The following RNASE1 variants were observed in gnomAD, a reference collection of about 807,000 sequenced individuals.
RNASE1 encodes ribonuclease pancreatic.
For missense variants in RNASE1, 203 were observed against 201.0 expected (o/e 1.01, Z -0.06); for synonymous variants, 64 against 78.6 (o/e 0.81, Z 0.98).
rs1234171228 is a variant in RNASE1 at position 20,801,817 on chromosome 14, A to G, written c.252T>C (p.Asn84=). Residue 84 remains asparagine (N), a synonymous_variant, in exon 2 of 2, where the codon AAT becomes AAC. Transcript: ENST00000397967. ...AGGTGACCTTTTCCTGGAAACAGAC[A>G]TTCTGGACATCTACCAGGGGCTCGT... ...FVHEPLVDVQ[N]VCFQEKVTCK... 6.2e-7 allele frequency: 1 copy of G among 1,614,060 alleles called. No individual in the cohort carries two copies. The highest frequency in any genetic ancestry group is 8.5e-7 in the Non-Finnish European group (1 of 1,180,036).
At position 20,801,643 on chromosome 14, in the gene RNASE1, T is replaced by C. The variant is rs143436195; in HGVS notation, c.426A>G (p.Pro142=). 3.7e-4 allele frequency: 597 copies of C among 1,614,132 alleles called. 4 individuals are homozygous for C. The African/African-American group carries it at 7.3e-3, about 20-fold the overall frequency. Residue 142 remains proline, a synonymous_variant, in exon 2 of 2, where the codon CCA becomes CCG. Transcript: ENST00000397967. ...RHIIVACEGS[P]YVPVHFDASV... is the part of the protein sequence containing the mutation. ...AAGCATCAAAGTGGACTGGCACATA[T>C]GGGCTCCCTTCACAGGCCACAATGA...
chr14:20,801,863 T>C lies in RNASE1; in HGVS notation c.206A>G (p.Lys69Arg). The change falls in exon 2 of 2, where the codon AAA (lysine) becomes AGA (arginine). Residue 69 changes from lysine to arginine, a missense_variant. Lys to Arg is a conservative substitution (Grantham distance 26). Coordinates refer to ENST00000397967, the MANE Select transcript of RNASE1 (RefSeq NM_002933.5). ...RRRNMTQGRC[K>R]PVNTFVHEPL... The stretch of plus-strand genomic sequence containing the variant: ...CTCGTGCACAAAGGTGTTCACTGGT[T>C]TGCACCGCCCCTGTGTCATATTCCG... The C allele has an allele frequency of 6.2e-7, 1 of 1,614,150 alleles. No individual in the cohort carries two copies. The highest frequency in any genetic ancestry group is 8.5e-7 in the Non-Finnish European group (1 of 1,180,016).
In RNASE1 at chr14:20,802,054, C is replaced by A; in HGVS notation, c.15G>T (p.Lys5Asn). Residue 5 changes from lysine to asparagine, a missense_variant, in exon 2 of 2, where the codon AAG (lysine) becomes AAT (asparagine). By Grantham distance (94) the Lys-to-Asn change is moderately conservative. Coordinates refer to ENST00000397967, the MANE Select transcript of RNASE1 (RefSeq NM_002933.5). MALEKSLVRLLLLVL... is the reference protein window; with the variant it reads MALENSLVRLLLLVL... ...CAAGCAGAAGGAGCCGGACAAGAGA[C>A]TTCTCCAGAGCCATGGTGGCCTCAC... is the stretch of plus-strand genomic sequence containing the variant. 2 of 1,600,010 alleles carry A rather than the reference C, an allele frequency of 1.2e-6. No homozygotes were observed. The highest frequency in any genetic ancestry group is 8.5e-7 in the Non-Finnish European group (1 of 1,178,578).
chr14:20,801,726 T>G lies in RNASE1; in HGVS notation c.343A>C (p.Thr115Pro). The change falls in exon 2 of 2, where the codon ACA becomes CCA. Residue 115 changes from threonine to proline, a missense_variant. Transcript: ENST00000397967. ...CAGTTGGGGTACCTGGAGCCGTTTG[T>G]CAGGCGGCAGTCTGTGATGTGCATG... ...SSMHITDCRL[T>P]NGSRYPNCAY... The G allele has an allele frequency of 1.9e-6, 3 of 1,614,214 alleles. No individual in the cohort carries two copies. Among genetic ancestry groups the G allele is most frequent in the Non-Finnish European group, 2.5e-6 (3 of 1,180,034 alleles).
rs143351335 is a variant in RNASE1 at position 20,801,769 on chromosome 14, G to A, written c.300C>T (p.Cys100=). The change falls in exon 2 of 2, where the codon TGC becomes TGT. Residue 100 remains cysteine (C), a synonymous_variant. Coordinates refer to ENST00000397967, the MANE Select transcript of RNASE1 (RefSeq NM_002933.5). The stretch of plus-strand genomic sequence containing the variant: ...TGTGCATGCTGGAGTTGCTCTTGTA[G>A]CAGTTGCCCTGCCCGTTCTTGCAGG... ...KVTCKNGQGN[C]YKSNSSMHIT... is the part of the protein sequence containing the mutation. 7.2e-5 allele frequency: 117 copies of A among 1,614,092 alleles called. No individual in the cohort carries two copies. The highest frequency in any genetic ancestry group is 4.9e-4 in the Middle Eastern group (3 of 6,082).
In RNASE1 at chr14:20,801,713, C is replaced by A; in HGVS notation, c.356G>T (p.Arg119Met). ...ITDCRLTNGSRYPNCAYRTSP... is the reference protein window; with the variant it reads ...ITDCRLTNGSMYPNCAYRTSP... ...GGTCCGGTATGCACAGTTGGGGTACCTGGAGCCGTTTGTCAGGCGGCAGTC... is the reference window on the plus strand; with the variant it reads ...GGTCCGGTATGCACAGTTGGGGTACATGGAGCCGTTTGTCAGGCGGCAGTC... The change falls in exon 2 of 2, where the codon AGG (arginine) becomes ATG (methionine). Residue 119 changes from arginine to methionine, a missense_variant. By Grantham distance (91) the Arg-to-Met change is moderately conservative. Transcript: ENST00000397967. 1 of 1,614,172 alleles carries A rather than the reference C, an allele frequency of 6.2e-7. No homozygotes were observed. Among genetic ancestry groups the A allele is most frequent in the East Asian group, 2.2e-5 (1 of 44,882 alleles).
Position 20,802,080 on chromosome 14 carries a change from T to G in RNASE1, c.-12A>C. On this transcript the variant is annotated 5_prime_UTR_variant, in exon 2 of 2. Coordinates refer to ENST00000397967, the MANE Select transcript of RNASE1 (RefSeq NM_002933.5). ...TTCTCCAGAGCCATGGTGGCCTCACTTTCCCAGAAAAGCCTAATTGAGAAA... is the reference window on the plus strand; with the variant it reads ...TTCTCCAGAGCCATGGTGGCCTCACGTTCCCAGAAAAGCCTAATTGAGAAA... The G allele has an allele frequency of 1.3e-6, 2 of 1,565,456 alleles. No individual in the cohort carries two copies. Among genetic ancestry groups the G allele is most frequent in the East Asian group, 4.5e-5 (2 of 44,292 alleles).
At position 20,802,126 on chromosome 14, in the gene RNASE1, C is replaced by T; in HGVS notation, c.-25-33G>A. ...AGAAAAGGAGAGAGAAGGAAAAGAG[C>T]CCTCTTAGAAAAAGAACTCCAGCTC... On this transcript the variant is annotated intron_variant, in intron 1 of 1. Coordinates refer to ENST00000397967, the MANE Select transcript of RNASE1 (RefSeq NM_002933.5). 1.6e-5 allele frequency: 21 copies of T among 1,348,556 alleles called. No individual in the cohort carries two copies. In the South Asian group the frequency reaches 2.9e-4, roughly 19 times the overall value. The allele number at this position is 1,348,556 out of a possible 1,614,324, so 83.5% of individuals were successfully genotyped here.
At chr14:20,802,146 C>T in intron 1 of RNASE1, 53 bp from the exon 2 acceptor site, 1 of 1,097,272 alleles carries the variant, frequency 9.1e-7, no homozygotes, top group Non-Finnish European at 1.3e-6. Context: ...AAAAGAACTC[C>T]AGCTCCCACC....
chr14:20,801,721 G>A lies in RNASE1; in HGVS notation c.348C>T (p.Asn116=), dbSNP rs1437044410. ...ATGCACAGTTGGGGTACCTGGAGCCGTTTGTCAGGCGGCAGTCTGTGATGT... is the reference window on the plus strand; with the variant it reads ...ATGCACAGTTGGGGTACCTGGAGCCATTTGTCAGGCGGCAGTCTGTGATGT... ...SMHITDCRLT[N]GSRYPNCAYR... The change falls in exon 2 of 2, where the codon AAC becomes AAT. Residue 116 remains asparagine (N), a synonymous_variant. Transcript: ENST00000397967. 14 of 1,614,186 alleles carry A rather than the reference G, an allele frequency of 8.7e-6. No homozygotes were observed. The highest frequency in any genetic ancestry group is 3.3e-5 in the Admixed American group (2 of 60,022).
rs759954169 is a variant in RNASE1 at position 20,801,601 on chromosome 14, G to A, written c.468C>T (p.Thr156=). The A allele has an allele frequency of 1.2e-6, 2 of 1,611,356 alleles. No individual in the cohort carries two copies. Among genetic ancestry groups the A allele is most frequent in the Non-Finnish European group, 1.7e-6 (2 of 1,177,742 alleles). The part of the protein sequence containing the change: ...VHFDASVEDS[T] The stretch of plus-strand genomic sequence containing the variant: ...GGGGTATCTCGCTGCTCTGACCTTA[G>A]GTAGAGTCCTCCACAGAAGCATCAA... Residue 156 remains threonine (T), a synonymous_variant, in exon 2 of 2, where the codon ACC becomes ACT. Coordinates refer to ENST00000397967, the MANE Select transcript of RNASE1 (RefSeq NM_002933.5).
In RNASE1 at chr14:20,801,373, C is replaced by T. The variant is rs1215165530; in HGVS notation, c.*225G>A. The T allele has an allele frequency of 3.5e-6, 2 of 569,944 alleles. No homozygotes were observed. The highest frequency in any genetic ancestry group is 3.0e-5 in the Admixed American group (1 of 33,262). The allele number at this position is 569,944 out of a possible 1,614,324, so 35.3% of individuals were successfully genotyped here. On this transcript the variant is annotated 3_prime_UTR_variant, in exon 2 of 2. Coordinates refer to ENST00000397967, the MANE Select transcript of RNASE1 (RefSeq NM_002933.5). ...TTCAGAAATCAGGTGTTTGCAACTGCGTTTTATTGAAAGAAAGAGTGGAGG... is the reference window on the plus strand; with the variant it reads ...TTCAGAAATCAGGTGTTTGCAACTGTGTTTTATTGAAAGAAAGAGTGGAGG...
chr14:20,801,893 C>G lies in RNASE1; in HGVS notation c.176G>C (p.Arg59Thr), dbSNP rs746090740. The G allele has an allele frequency of 6.2e-7, 1 of 1,614,126 alleles. No individual in the cohort carries two copies. The highest frequency in any genetic ancestry group is 1.1e-5 in the South Asian group (1 of 91,078). The change falls in exon 2 of 2, where the codon AGG becomes ACG. Residue 59 changes from arginine (R) to threonine (T), a missense_variant. Transcript: ENST00000397967. The stretch of plus-strand genomic sequence containing the variant: ...CCGCCCCTGTGTCATATTCCGGCGC[C>G]TCATCATTTGGTTACAGTAGGTGGA... Reference protein sequence around the residue: ...SSSTYCNQMMRRRNMTQGRCK... With the variant: ...SSSTYCNQMMTRRNMTQGRCK...
rs546240449 is a variant in RNASE1 at position 20,801,841 on chromosome 14, G to A, written c.228C>T (p.His76=). ...CATTCTGGACATCTACCAGGGGCTCGTGCACAAAGGTGTTCACTGGTTTGC... is the reference window on the plus strand; with the variant it reads ...CATTCTGGACATCTACCAGGGGCTCATGCACAAAGGTGTTCACTGGTTTGC... ...GRCKPVNTFV[H]EPLVDVQNVC... is the part of the protein sequence containing the mutation. The change falls in exon 2 of 2, where the codon CAC becomes CAT. Residue 76 remains histidine, a synonymous_variant. Transcript: ENST00000397967. The A allele has an allele frequency of 3.3e-5, 54 of 1,614,176 alleles. No individual in the cohort carries two copies. In the African/African-American group the frequency reaches 5.6e-4, roughly 17 times the overall value.
Position 20,801,712 on chromosome 14 carries a change from C to G in RNASE1, c.357G>C (p.Arg119Ser). The change falls in exon 2 of 2, where the codon AGG (arginine) becomes AGC (serine). Residue 119 changes from arginine to serine, a missense_variant. Physicochemically the swap from Arg to Ser is moderately radical, Grantham distance 110. Transcript: ENST00000397967. ...TGGTCCGGTATGCACAGTTGGGGTA[C>G]CTGGAGCCGTTTGTCAGGCGGCAGT... is the stretch of plus-strand genomic sequence containing the variant. Reference protein sequence around the residue: ...ITDCRLTNGSRYPNCAYRTSP... With the variant: ...ITDCRLTNGSSYPNCAYRTSP... The G allele has an allele frequency of 6.2e-7, 1 of 1,614,134 alleles. No individual in the cohort carries two copies. Among genetic ancestry groups the G allele is most frequent in the Non-Finnish European group, 8.5e-7 (1 of 1,180,026 alleles).
At position 20,801,241 on chromosome 14, in the gene RNASE1, G is replaced by T. The variant is rs2138594959; in HGVS notation, c.*357C>A. 4.2e-6 allele frequency: 1 copy of T among 236,066 alleles called. No individual in the cohort carries two copies. Among genetic ancestry groups the T allele is most frequent in the Middle Eastern group, 1.6e-3 (1 of 620 alleles). The allele number at this position is 236,066 out of a possible 1,614,324, so 14.6% of individuals were successfully genotyped here. On this transcript the variant is annotated 3_prime_UTR_variant, in exon 2 of 2. Coordinates refer to ENST00000397967, the MANE Select transcript of RNASE1 (RefSeq NM_002933.5). ...AAGCCACTAAAATCCAAGTCAGAAGGGAAGGCATTTAATTACTCCATTCAC... is the reference window on the plus strand; with the variant it reads ...AAGCCACTAAAATCCAAGTCAGAAGTGAAGGCATTTAATTACTCCATTCAC...
rs1263984947 is a variant in RNASE1, at chr14:20,801,849, A to C, written c.220T>G (p.Phe74Val). 6.2e-7 allele frequency: 1 copy of C among 1,614,022 alleles called. No homozygotes were observed. Among genetic ancestry groups the C allele is most frequent in the African/African-American group, 1.3e-5 (1 of 74,902 alleles). The change falls in exon 2 of 2, where the codon TTT becomes GTT. Residue 74 changes from phenylalanine (F) to valine (V), a missense_variant. By Grantham distance (50) the Phe-to-Val change is conservative (BLOSUM62 -1). Coordinates refer to ENST00000397967, the MANE Select transcript of RNASE1 (RefSeq NM_002933.5). ...TQGRCKPVNT[F>V]VHEPLVDVQN... ...ACATCTACCAGGGGCTCGTGCACAA[A>C]GGTGTTCACTGGTTTGCACCGCCCC...
rs746090740 is a variant in RNASE1, at chr14:20,801,893, C to T, written c.176G>A (p.Arg59Lys). The part of the protein sequence containing the change: ...SSSTYCNQMM[R>K]RRNMTQGRCK... ...CCGCCCCTGTGTCATATTCCGGCGCCTCATCATTTGGTTACAGTAGGTGGA... is the reference window on the plus strand; with the variant it reads ...CCGCCCCTGTGTCATATTCCGGCGCTTCATCATTTGGTTACAGTAGGTGGA... Residue 59 changes from arginine (R) to lysine (K), a missense_variant, in exon 2 of 2, where the codon AGG (arginine) becomes AAG (lysine). Coordinates refer to ENST00000397967, the MANE Select transcript of RNASE1 (RefSeq NM_002933.5). The T allele has an allele frequency of 3.1e-6, 5 of 1,614,126 alleles. No individual in the cohort carries two copies. The Admixed American group carries it at 6.7e-5, about 22-fold the overall frequency.
At chr14:20,802,171 T>TAAA (rs1879435845) in intron 1 of RNASE1, 78 bp from the exon 2 acceptor site, 4 of 912,678 alleles carry the variant, frequency 4.4e-6, no homozygotes, top group African/African-American at 1.7e-5. Flanking sequence ...GCTTGCCTGG[T>TAAA]TTACACTTTC....
Sources: allele counts gnomAD v4.1 joint callset, GRCh38; gene constraint gnomAD v4.1.1; transcripts MANE v1.5; gene names NCBI Gene and HGNC (gene_info 2026-07-23, HGNC 2026-07-21).